Variants in NKIRAS1 observed in about 807,000 individuals in gnomAD.
The protein encoded by NKIRAS1 is NFKB inhibitor interacting Ras like 1, also known as NF-kappa-B inhibitor-interacting Ras-like protein 1.
NKIRAS1 carries 16 observed loss-of-function variants against 19.8 expected under a neutral mutation model. The ratio of observed to expected loss-of-function variants is 0.81; its 90% CI spans 0.55 to 1.23. The LOEUF (loss-of-function observed/expected upper bound fraction) is 1.23, where lower values mean the gene tolerates loss of function less well. Ranked by LOEUF, NKIRAS1 falls within the 50% of genes most tolerant of loss-of-function variation. The pLI is 0.00. For synonymous variants in NKIRAS1, 88 were observed against 79.0 expected (o/e 1.11, Z -0.61); for missense variants, 184 against 220.0 (o/e 0.84, Z 1.04).
upstream of NKIRAS1, chr3:23,919,525 A>C: frequency 6.5e-7 from 1 of 1,526,916 alleles, no homozygotes; most frequent in Non-Finnish European, 8.8e-7. Flanking sequence ...TGTAAAATTC[A>C]TACTTAATAA....
Position 23,890,675 on chromosome 3 carries a change from T to A in NKIRAS1, c.*2420A>T. 6.0e-5 allele frequency: 65 copies of A among 1,075,098 alleles called. No homozygotes were observed. The highest frequency in any genetic ancestry group is 7.9e-5 in the Non-Finnish European group (57 of 722,262). 66.6% of individuals were successfully genotyped at this position (1,075,098 alleles called of 1,614,324 possible). A position where few individuals can be genotyped will look rare whatever the true frequency, so the allele number is the denominator to read the frequency against. On this transcript the variant is annotated 3_prime_UTR_variant, in exon 5 of 5. Transcript: ENST00000425478. ...AGAGCTGCTTATGATTTTGAAGGGG[T>A]CAGGGAGGGTGGGAGTTGGTAAAGA...
At chr3:23,897,625 C>T (rs935032832) in intron 4 of NKIRAS1, among the ~76,000 whole-genome samples, 5 of 152,292 alleles carry the variant, frequency 3.3e-5, no homozygotes, top group South Asian at 4.1e-4. Flanking sequence ...AAGCAAATTC[C>T]GACCTCAGAT....
At chr3:23,912,762 T>G (rs1703892140) in intron 1 of NKIRAS1, among the ~76,000 whole-genome samples, 1 of 152,136 alleles carries the variant, frequency 6.6e-6, no homozygotes, top group Non-Finnish European at 1.5e-5. Context: ...TGGGGCACTA[T>G]TCACAATAGC....
intron 1 of NKIRAS1, among the ~76,000 whole-genome samples, chr3:23,939,591 A>G (rs1705456577): frequency 6.6e-6 from 1 of 152,196 alleles, no homozygotes; most frequent in African/African-American, 2.4e-5. Context: ...AAATACAAAA[A>G]TTAGCTGGGC....
In NKIRAS1 at chr3:23,926,332, A is replaced by G. The variant is rs940268780; in HGVS notation, c.-139-14882T>C. Among the ~76,000 whole-genome samples, 5 of 152,178 alleles carry G rather than the reference A, an allele frequency of 3.3e-5. No individual in the cohort carries two copies. Among genetic ancestry groups the G allele is most frequent in the East Asian group, 1.9e-4 (1 of 5,194 alleles). ...CTCCCAAAGTGCTGGGATTATAGGT[A>G]TGAGCCATGGCGCCCGGCCATAGTA... On this transcript the variant is annotated intron_variant, in intron 1 of 4. Coordinates refer to the NKIRAS1 transcript ENST00000421515. This position sits in a 1 kb window ranked among gnomAD's most constrained non-coding sequence, Gnocchi z 4.3.
At chr3:23,945,737 C>G in intron 1 of NKIRAS1, 1 of 572,774 alleles carries the variant, frequency 1.7e-6, no homozygotes, top group Admixed American at 5.2e-5. Flanking sequence ...CCGCCTCTGG[C>G]TCGGTTCCCA....
intron 1 of NKIRAS1, among the ~76,000 whole-genome samples, chr3:23,936,998 C>G (rs1184442713): frequency 6.6e-6 from 1 of 152,176 alleles, no homozygotes; most frequent in Non-Finnish European, 1.5e-5. Flanking sequence ...TGGAGGAGAG[C>G]TCCTGATAAA....
At chr3:23,936,404 T>G (rs1298440140) in intron 1 of NKIRAS1, among the ~76,000 whole-genome samples, 1 of 152,164 alleles carries the variant, frequency 6.6e-6, no homozygotes, top group Non-Finnish European at 1.5e-5. Flanking sequence ...AATTTTCTGG[T>G]TACTGGCTTT....
At chr3:23,908,133 A>G (rs1422186197) in intron 3 of NKIRAS1, among the ~76,000 whole-genome samples, 1 of 152,220 alleles carries the variant, frequency 6.6e-6, no homozygotes, top group Non-Finnish European at 1.5e-5. Flanking sequence ...ATCAGATATT[A>G]ACAAAAGTGA....
intron 1 of NKIRAS1, chr3:23,946,108 C>G (rs1225299308): frequency 1.0e-6 from 1 of 984,732 alleles, no homozygotes; most frequent in Non-Finnish European, 1.2e-6. Context: ...GGGGCAGTGA[C>G]GTCGCCGCGA....
At chr3:23,911,075 C>A (rs557587289) in intron 2 of NKIRAS1, 154 bp from the exon 3 acceptor site, 6 of 621,568 alleles carry the variant, frequency 9.7e-6, no homozygotes, top group Admixed American at 5.8e-5. Context: ...CCTTCCAAAC[C>A]CCATTCCCCA....
intron 1 of NKIRAS1, among the ~76,000 whole-genome samples, chr3:23,912,897 T>C (rs1703913618): frequency 6.6e-6 from 1 of 151,926 alleles, no homozygotes; most frequent in Non-Finnish European, 1.5e-5. Flanking sequence ...GGTGGGCGGA[T>C]CACGAGGTCA....
At chr3:23,904,975 G>C (rs1030055192) in intron 3 of NKIRAS1, among the ~76,000 whole-genome samples, 1 of 152,020 alleles carries the variant, frequency 6.6e-6, no homozygotes, top group African/African-American at 2.4e-5. Context: ...CCACAGCTAC[G>C]GCAAAATGGA....
intron 3 of NKIRAS1, among the ~76,000 whole-genome samples, chr3:23,902,814 G>A (rs1242129183): frequency 6.6e-6 from 1 of 152,216 alleles, no homozygotes; most frequent in African/African-American, 2.4e-5. Flanking sequence ...TGTCTAGACT[G>A]TGGGATAAAG....
intron 4 of NKIRAS1, among the ~76,000 whole-genome samples, chr3:23,894,292 C>G (rs955283368): frequency 6.6e-6 from 1 of 152,202 alleles, no homozygotes; most frequent in Admixed American, 6.5e-5. Context: ...GCAGCAAGAA[C>G]TGTCAAAGGC....
chr3:23,925,899 A>G (rs556652203), intron 1 of NKIRAS1, among the ~76,000 whole-genome samples: 4 of 152,302 alleles, frequency 2.6e-5, no homozygotes, highest in East Asian at 1.9e-4. Flanking sequence ...TTAAAATTTA[A>G]ATAGGATTTA....
At chr3:23,905,580 A>T (rs1702940715) in intron 3 of NKIRAS1, among the ~76,000 whole-genome samples, 1 of 152,216 alleles carries the variant, frequency 6.6e-6, no homozygotes, top group South Asian at 2.1e-4. Context: ...CCTCCATAAA[A>T]ACTAATATGT....
At chr3:23,915,820 G>A (rs890873467) in intron 1 of NKIRAS1, 1 of 152,110 alleles carries the variant, frequency 6.6e-6, no homozygotes, top group African/African-American at 2.4e-5. Flanking sequence ...TTTCTTAAAT[G>A]TTACCTTCTC....
At chr3:23,931,278 T>A (rs1275111519) in intron 1 of NKIRAS1, among the ~76,000 whole-genome samples, 1 of 152,174 alleles carries the variant, frequency 6.6e-6, no homozygotes, top group Non-Finnish European at 1.5e-5. Flanking sequence ...CCTACTACAT[T>A]TCTCTTTACT....
Sources: gnomAD v4.1 joint callset for allele counts (sites outside exome capture counted in the v4.1 genomes callset) on GRCh38, gnomAD v4.1.1 for gene constraint, Gnocchi (gnomAD v3.1) non-coding constraint, MANE v1.5 for transcripts, NCBI Gene and HGNC (gene_info 2026-07-23, HGNC 2026-07-21) for gene names.